Variants in SLC15A1 observed in about 807,000 individuals in gnomAD.
SLC15A1 encodes the protein Caco-2 oligopeptide transporter.
SLC15A1 carries 83 observed loss-of-function variants against 92.9 expected under a neutral mutation model. That is an observed-to-expected ratio of 0.89 (90% CI 0.75 to 1.07). SLC15A1 has a LOEUF of 1.07. Among genes scored for constraint, SLC15A1 ranks in the 50% least tolerant of loss-of-function variants. SLC15A1 has a pLI of 0.00. For missense variants in SLC15A1, 857 were observed against 880.1 expected, an observed-to-expected ratio of 0.97 and a Z score of 0.33; for synonymous variants, 322 against 318.2, an observed-to-expected ratio of 1.01 and a Z score of -0.13.
chr13:98,714,653 CAAAAA>C (rs11378347), intron 9 of SLC15A1, among the ~76,000 whole-genome samples: 1,851 of 94,372 alleles, frequency 0.02, 46 homozygotes, highest in African/African-American at 0.073. Flanking sequence ...GACTCCATCT[CAAAAA>C]AAAAAAAAAA....
At chr13:98,691,794 C>T (rs1364187381) in intron 18 of SLC15A1, among the ~76,000 whole-genome samples, 2 of 152,034 alleles carry the variant, frequency 1.3e-5, no homozygotes, top group Non-Finnish European at 2.9e-5. Flanking sequence ...AAAGCTTGAG[C>T]GGGGCACGGT....
chr13:98,690,852 C>G (rs2087969610), intron 18 of SLC15A1, among the ~76,000 whole-genome samples: 1 of 152,110 alleles, frequency 6.6e-6, no homozygotes, highest in African/African-American at 2.4e-5. Flanking sequence ...CACATCTAAA[C>G]ATGTCTAAAT....
At chr13:98,740,425 G>T (rs968066466) in intron 1 of SLC15A1, among the ~76,000 whole-genome samples, 1 of 152,100 alleles carries the variant, frequency 6.6e-6, no homozygotes, top group Non-Finnish European at 1.5e-5. Context: ...TCCTAGGCCC[G>T]GCATTCAAGG....
intron 8 of SLC15A1, among the ~76,000 whole-genome samples, chr13:98,717,256 T>C (rs2088217513): frequency 6.6e-6 from 1 of 152,210 alleles, no homozygotes; most frequent in Non-Finnish European, 1.5e-5. Flanking sequence ...AAAAGAGATG[T>C]TTACTTATAT....
chr13:98,721,255 C>T (rs548274838), intron 7 of SLC15A1: 49 of 649,166 alleles, frequency 7.5e-5, no homozygotes, highest in Non-Finnish European at 1.2e-4. Flanking sequence ...AAGATGGATG[C>T]CCATGCTAAG....
At position 98,687,626 on chromosome 13, in the gene SLC15A1, G is replaced by A. The variant is rs749514691; in HGVS notation, c.1782C>T (p.Gly594=). 3.8e-5 allele frequency: 62 copies of A among 1,613,980 alleles called. No homozygotes were observed. The highest frequency in any genetic ancestry group is 4.6e-5 in the Non-Finnish European group (54 of 1,180,006). Residue 594 remains glycine (G), a synonymous_variant, in exon 21 of 23, where the codon GGC becomes GGT. Coordinates refer to ENST00000376503, the MANE Select transcript of SLC15A1 (RefSeq NM_005073.4). Reference sequence around the variant, plus strand: ...ATCCCGTGACAGAGAAGACCACTTCGCCACAGGTGAGAAGAAAATACTGCG... The same window carrying A: ...ATCCCGTGACAGAGAAGACCACTTCACCACAGGTGAGAAGAAAATACTGCG... The part of the protein sequence containing the change: ...QIPQYFLLTC[G]EVVFSVTGLE...
At chr13:98,726,804 C>T (rs2088305239) in intron 2 of SLC15A1, 39 bp downstream of exon 2, 1 of 1,599,068 alleles carries the variant, frequency 6.3e-7, no homozygotes, top group South Asian at 1.1e-5. Flanking sequence ...ATAAAATTTA[C>T]AAGATGAAGA....
chr13:98,730,521 G>A (rs2088342125), intron 1 of SLC15A1, among the ~76,000 whole-genome samples: 1 of 152,196 alleles, frequency 6.6e-6, no homozygotes, highest in South Asian at 2.1e-4. Flanking sequence ...CAGCCCTGCG[G>A]CCGAGTTTCA....
intron 16 of SLC15A1, among the ~76,000 whole-genome samples, chr13:98,705,185 T>A (rs1593987799): frequency 8.9e-6 from 1 of 112,148 alleles, no homozygotes. Context: ...GGCGACAGAG[T>A]GAGGCTCTGT....
chr13:98,690,841 G>A (rs879429781), intron 18 of SLC15A1, among the ~76,000 whole-genome samples: 26 of 152,018 alleles, frequency 1.7e-4, no homozygotes, highest in Admixed American at 6.6e-4. Context: ...GTAAGGATTT[G>A]CACATCTAAA....
intron 9 of SLC15A1, among the ~76,000 whole-genome samples, chr13:98,713,095 C>T (rs776884290): frequency 5.3e-5 from 8 of 152,324 alleles, no homozygotes; most frequent in African/African-American, 1.2e-4. Context: ...CTTGCTCTGT[C>T]GCCTAGGCTG....
At chr13:98,736,407 A>G (rs1255026966) in intron 1 of SLC15A1, among the ~76,000 whole-genome samples, 1 of 152,218 alleles carries the variant, frequency 6.6e-6, no homozygotes, top group Non-Finnish European at 1.5e-5. Flanking sequence ...AACCTAGGCA[A>G]TACCATTCAG....
chr13:98,752,521 G>A (rs981331061), intron 1 of SLC15A1, 74 bp downstream of exon 1: 51 of 1,240,582 alleles, frequency 4.1e-5, no homozygotes, highest in Non-Finnish European at 4.9e-5. Flanking sequence ...GCGCCTCCCG[G>A]CCCTCGGTGC....
chr13:98,750,892 C>T (rs927027087), intron 1 of SLC15A1, among the ~76,000 whole-genome samples: 3 of 151,740 alleles, frequency 2.0e-5, no homozygotes, highest in Non-Finnish European at 4.4e-5. Context: ...GCTGGGATTA[C>T]AGGCACCCGC....
At chr13:98,724,080 T>C (rs768243824) in intron 4 of SLC15A1, 49 bp from the exon 5 acceptor site, 3 of 1,607,176 alleles carry the variant, frequency 1.9e-6, no homozygotes, top group East Asian at 2.2e-5. Context: ...ACAATAGCCA[T>C]CCACTTTTGA....
chr13:98,736,190 C>T (rs1436778125), intron 1 of SLC15A1, among the ~76,000 whole-genome samples: 2 of 152,160 alleles, frequency 1.3e-5, no homozygotes, highest in African/African-American at 4.8e-5. Flanking sequence ...TAACACCACA[C>T]ATCTGCAATC....
chr13:98,714,059 GAA>G (rs56096468), intron 9 of SLC15A1, among the ~76,000 whole-genome samples: 20,336 of 134,378 alleles, frequency 0.15, 2,120 homozygotes, highest in African/African-American at 0.3. Flanking sequence ...TCTCAAAAAG[GAA>G]AAAAAAAAAA....
At chr13:98,734,346 C>A (rs1318056862) in intron 1 of SLC15A1, among the ~76,000 whole-genome samples, 1 of 152,184 alleles carries the variant, frequency 6.6e-6, no homozygotes, top group Non-Finnish European at 1.5e-5. Flanking sequence ...CTCTGGTCTG[C>A]AGGTCTCAGC....
Position 98,708,751 on chromosome 13 carries a change from C to G in SLC15A1, c.1084G>C (p.Ala362Pro), listed in dbSNP as rs745696718. Residue 362 changes from alanine to proline, a missense_variant, in exon 15 of 23, where the codon GCA (alanine) becomes CCA (proline). Transcript: ENST00000376503. Reference protein sequence around the residue: ...GFNFTSLKKMAVGMVLASMAF... With the variant: ...GFNFTSLKKMPVGMVLASMAF... ...ATGGAGGCCAGGACCATGCCAACTG[C>G]CATCTTCTTCAAGGAGCTGATGGCA... 1.2e-5 allele frequency: 19 copies of G among 1,611,562 alleles called. No homozygotes were observed. The East Asian group carries it at 4.0e-4, about 34-fold the overall frequency.
Sources: gnomAD v4.1 joint callset for allele counts (sites outside exome capture counted in the v4.1 genomes callset) on GRCh38, gnomAD v4.1.1 for gene constraint, MANE v1.5 for transcripts, NCBI Gene and HGNC (gene_info 2026-07-23, HGNC 2026-07-21) for gene names.